Variants in DOCK10 observed in about 807,000 individuals in gnomAD.
DOCK10 encodes the protein dedicator of cytokinesis 10, also known as dedicator of cytokinesis protein 10.
DOCK10 carries 145 observed loss-of-function variants against 280.1 expected under a neutral mutation model. That is an observed-to-expected ratio of 0.52 (90% CI 0.45 to 0.59). The LOEUF is 0.59. Among genes scored for constraint, DOCK10 ranks in the 20% least tolerant of loss-of-function variants. DOCK10 has a pLI of 0.00. For missense variants in DOCK10, 2,368 were observed against 2,651.7 expected (o/e 0.89, Z 2.35); for synonymous variants, 915 against 942.2 (o/e 0.97, Z 0.53).
Position 224,886,664 on chromosome 2 carries a change from G to A in DOCK10, c.417-133C>T, listed in dbSNP as rs1054863201. The A allele has an allele frequency of 1.0e-5, 7 of 675,572 alleles. No individual in the cohort carries two copies. The African/African-American group carries it at 1.3e-4, about 12-fold the overall frequency. 41.8% of individuals were successfully genotyped at this position (675,572 alleles called of 1,614,324 possible). A position where few individuals can be genotyped will look rare whatever the true frequency, so the allele number is the denominator to read the frequency against. On this transcript the variant is annotated intron_variant, in intron 4 of 55. Transcript: ENST00000258390. Reference sequence around the variant, plus strand: ...TTTCTGTAAAATAATGTAATCTTTTGAGTGTCTCATTTCCTTTGAAAGTAT... The same window carrying A: ...TTTCTGTAAAATAATGTAATCTTTTAAGTGTCTCATTTCCTTTGAAAGTAT...
intron 3 of DOCK10, among the ~76,000 whole-genome samples, chr2:224,896,851 A>T (rs960939260): frequency 4.6e-5 from 7 of 152,226 alleles, no homozygotes; most frequent in Non-Finnish European, 1.5e-5. Flanking sequence ...TGCTCTTTCC[A>T]ATCATTTTCA....
chr2:224,874,776 T>C, intron 8 of DOCK10, 25 bp from the exon 9 acceptor site: 1 of 1,586,792 alleles, frequency 6.3e-7, no homozygotes, highest in Non-Finnish European at 8.7e-7. Context: ...CCAAGTCAGG[T>C]TATTAAATAT....
chr2:224,939,182 A>C (rs16866376), intron 1 of DOCK10, among the ~76,000 whole-genome samples: 7,895 of 152,280 alleles, frequency 0.052, 619 homozygotes, highest in African/African-American at 0.18. Flanking sequence ...AAAGCATAAA[A>C]TGTTTTGCAG....
In DOCK10 at chr2:224,795,046, T is replaced by C; in HGVS notation, c.4987A>G (p.Thr1663Ala). 1.9e-6 allele frequency: 3 copies of C among 1,613,966 alleles called. No homozygotes were observed. The highest frequency in any genetic ancestry group is 2.5e-6 in the Non-Finnish European group (3 of 1,179,872). Reference protein sequence around the residue: ...EVKDLTKRIRTVLMATAQMKE... With the variant: ...EVKDLTKRIRAVLMATAQMKE... ...ATCTGAGCTGTGGCCATCAAAACAG[T>C]CCTTATACGCTTAGTCAGGTCCTTC... The change falls in exon 45 of 56, where the codon ACT becomes GCT. Residue 1663 changes from threonine (T) to alanine (A), a missense_variant. Transcript: ENST00000258390.
intron 38 of DOCK10, 108 bp downstream of exon 38, chr2:224,804,686 G>T: frequency 1.3e-6 from 1 of 764,612 alleles, no homozygotes. Flanking sequence ...ATCCTTATTT[G>T]CATTTTAAGA....
chr2:224,888,803 AAT>A (rs72435694), intron 4 of DOCK10, among the ~76,000 whole-genome samples: 4,547 of 145,152 alleles, frequency 0.031, 87 homozygotes, highest in Non-Finnish European at 0.047. Context: ...TGTATGTGTG[AAT>A]ATATATGTGT....
chr2:224,772,827 G>C (rs939293580), intron 53 of DOCK10, among the ~76,000 whole-genome samples: 1 of 152,166 alleles, frequency 6.6e-6, no homozygotes, highest in Non-Finnish European at 1.5e-5. Flanking sequence ...CTTAATGACA[G>C]ATATGTACAA....
At chr2:224,976,839 C>G (rs1705473850) in intron 1 of DOCK10, among the ~76,000 whole-genome samples, 1 of 152,140 alleles carries the variant, frequency 6.6e-6, no homozygotes, top group Non-Finnish European at 1.5e-5. Flanking sequence ...CTTCCTCCTT[C>G]TTTTGTTTTT....
chr2:224,770,510 T>A lies in DOCK10; in HGVS notation c.6305+35A>T. ...ATTGAGGACTCCCTGTCTCAGGAAG[T>A]TCAAGGAAGAACATCCCAACAGCGA... On this transcript the variant is annotated intron_variant, in intron 54 of 55. Transcript: ENST00000258390. The surrounding 1 kb of genome is among the most constrained non-coding windows in gnomAD (Gnocchi z 4.5). The A allele has an allele frequency of 6.3e-7, 1 of 1,598,104 alleles. No individual in the cohort carries two copies. The highest frequency in any genetic ancestry group is 8.6e-7 in the Non-Finnish European group (1 of 1,165,674).
chr2:224,954,575 T>C (rs1398266623), intron 1 of DOCK10, among the ~76,000 whole-genome samples: 1 of 152,202 alleles, frequency 6.6e-6, no homozygotes, highest in Non-Finnish European at 1.5e-5. Flanking sequence ...GGGACAAACA[T>C]TTATTCTTAT....
chr2:224,952,939 G>A (rs1434531344), intron 1 of DOCK10, among the ~76,000 whole-genome samples: 3 of 152,308 alleles, frequency 2.0e-5, no homozygotes, highest in African/African-American at 4.8e-5. Context: ...CAGTTAGATA[G>A]GCTATCCAAT....
At position 225,031,273 on chromosome 2, in the gene DOCK10, A is replaced by C. The variant is rs2106124621; in HGVS notation, c.123+10979T>G. Among the ~76,000 whole-genome samples, 2 of 152,276 alleles carry C rather than the reference A, an allele frequency of 1.3e-5. 1 individual carries two copies. Among genetic ancestry groups the C allele is most frequent in the South Asian group, 4.1e-4 (2 of 4,824 alleles). ...TAGCACATCAGCCTCCCATTTCCAT[A>C]CTGTATTATCCTAATGGGTCAGGGA... On this transcript the variant is annotated intron_variant, in intron 1 of 55. Coordinates refer to ENST00000258390, the MANE Select transcript of DOCK10 (RefSeq NM_014689.3).
Position 224,800,224 on chromosome 2 carries a change from G to A in DOCK10, c.4433C>T (p.Thr1478Ile), listed in dbSNP as rs910427865. 4 of 1,611,830 alleles carry A rather than the reference G, an allele frequency of 2.5e-6. No individual in the cohort carries two copies. Among genetic ancestry groups the A allele is most frequent in the Non-Finnish European group, 3.4e-6 (4 of 1,178,736 alleles). ...AACCTCCGTAGCTATATTGGCCTCAGTGTCTACATGATGCACGATGTCTAT... is the reference window on the plus strand; with the variant it reads ...AACCTCCGTAGCTATATTGGCCTCAATGTCTACATGATGCACGATGTCTAT... ...NEIDIVHHVD[T>I]EANIATEVCL... Residue 1478 changes from threonine (T) to isoleucine (I), a missense_variant, in exon 41 of 56, where the codon ACT (threonine) becomes ATT (isoleucine). Physicochemically the swap from Thr to Ile is moderately conservative, Grantham distance 89. Coordinates refer to ENST00000258390, the MANE Select transcript of DOCK10 (RefSeq NM_014689.3).
intron 1 of DOCK10, among the ~76,000 whole-genome samples, chr2:225,014,593 C>A (rs1202625957): frequency 6.6e-6 from 1 of 151,398 alleles, no homozygotes; most frequent in Non-Finnish European, 1.5e-5. Context: ...TTTTTTTTCC[C>A]CATATGTGTT....
At chr2:224,896,243 G>A (rs1269471689) in intron 4 of DOCK10, 52 bp downstream of exon 4, 9 of 1,072,088 alleles carry the variant, frequency 8.4e-6, no homozygotes, top group African/African-American at 1.6e-5. Flanking sequence ...TAGAACAGAG[G>A]ATGTCATCTA....
intron 33 of DOCK10, chr2:224,807,380 G>A: frequency 3.9e-6 from 1 of 253,974 alleles, no homozygotes; most frequent in Non-Finnish European, 7.7e-6. Context: ...TGTCCACTGA[G>A]GAAGGGGTCA....
intron 25 of DOCK10, among the ~76,000 whole-genome samples, chr2:224,837,368 A>G (rs1695657365): frequency 6.6e-6 from 1 of 152,252 alleles, no homozygotes; most frequent in Non-Finnish European, 1.5e-5. Context: ...TGAGGAAACA[A>G]TAGAAAGAGC....
At chr2:224,794,825 T>C in intron 45 of DOCK10, 54 bp downstream of exon 45, 2 of 1,573,886 alleles carry the variant, frequency 1.3e-6, no homozygotes, top group Non-Finnish European at 1.7e-6. Flanking sequence ...AAATCCAATT[T>C]TCCTGATAAA....
At chr2:224,855,771 CAG>C (rs1697087613) in intron 15 of DOCK10, among the ~76,000 whole-genome samples, 1 of 152,184 alleles carries the variant, frequency 6.6e-6, no homozygotes, top group Admixed American at 6.5e-5. Context: ...AGTGATGGGT[CAG>C]AGTCAGCTCT....
Sources: gnomAD v4.1 joint callset for allele counts (sites outside exome capture counted in the v4.1 genomes callset) on GRCh38, gnomAD v4.1.1 for gene constraint, Gnocchi (gnomAD v3.1) non-coding constraint, MANE v1.5 for transcripts, NCBI Gene and HGNC (gene_info 2026-07-23, HGNC 2026-07-21) for gene names.